ZNF385D: variants seen among roughly 807,000 people sequenced by gnomAD.
The protein encoded by ZNF385D is zinc finger protein 385D.
ZNF385D carries 15 observed loss-of-function variants against 35.8 expected under a neutral mutation model. That is an observed-to-expected ratio of 0.42 (90% CI 0.28 to 0.64). ZNF385D has a LOEUF of 0.64. ZNF385D is among the 30% of genes least tolerant of loss of function. ZNF385D has a pLI of 0.23. For missense variants in ZNF385D, 474 were observed against 494.6 expected, an observed-to-expected ratio of 0.96 and a Z score of 0.39; for synonymous variants, 212 against 186.8, an observed-to-expected ratio of 1.13 and a Z score of -1.10.
rs200803155 is a variant in ZNF385D, at chr3:21,724,477, CAAAAAAAAAAAAAAAAAAAAAAAAAAA to C, written c.22+26391_22+26417del. Reference sequence around the variant, plus strand: ...AATATTTACCAAGCAAATGGAAAGCCAAAAAAAAAAAAAAAAAAAAAAAAAAAAAAAAAAAAAAAAAGCAGGAGTTGC... The same window carrying C: ...AATATTTACCAAGCAAATGGAAAGCCAAAAAAAAAAAAAAGCAGGAGTTGC... On this transcript the variant is annotated intron_variant, in intron 1 of 7. Coordinates refer to ENST00000281523, the MANE Select transcript of ZNF385D (RefSeq NM_024697.3). Among the ~76,000 whole-genome samples the C allele has an allele frequency of 6.7e-3, 347 of 52,024 alleles. 5 individuals are homozygous for C. The highest frequency in any genetic ancestry group is 0.032 in the African/African-American group (202 of 6,322). 34.1% of individuals were successfully genotyped at this position (52,024 alleles called of 152,430 possible).
At chr3:21,698,802 C>T (rs919289045) in intron 1 of ZNF385D, among the ~76,000 whole-genome samples, 1 of 151,884 alleles carries the variant, frequency 6.6e-6, no homozygotes, top group Non-Finnish European at 1.5e-5. Flanking sequence ...TACCATCTCA[C>T]GCCAGTTAGA....
intron 3 of ZNF385D, among the ~76,000 whole-genome samples, chr3:21,779,656 C>T (rs2071418036): frequency 6.6e-6 from 1 of 151,880 alleles, no homozygotes; most frequent in South Asian, 2.1e-4. Context: ...TTACTGAGCG[C>T]CTTCTCAATG....
chr3:21,597,290 T>A (rs975249949), intron 2 of ZNF385D, among the ~76,000 whole-genome samples: 4 of 152,114 alleles, frequency 2.6e-5, no homozygotes, highest in African/African-American at 9.7e-5. Context: ...TTATACCACA[T>A]TGGTATTTAT....
chr3:22,359,153 C>T (rs1269992140), intron 2 of ZNF385D, among the ~76,000 whole-genome samples: 3 of 149,886 alleles, frequency 2.0e-5, no homozygotes, highest in East Asian at 1.9e-4. Context: ...TTACTGGGAA[C>T]AAAATGAAAA....
At chr3:21,730,732 G>C (rs1265179134) in intron 1 of ZNF385D, among the ~76,000 whole-genome samples, 2 of 152,234 alleles carry the variant, frequency 1.3e-5, no homozygotes, top group Non-Finnish European at 2.9e-5. Flanking sequence ...GCTTATAGTA[G>C]TGTAGCTATC....
chr3:21,703,152 G>A (rs1380125566), intron 1 of ZNF385D, among the ~76,000 whole-genome samples: 2 of 152,126 alleles, frequency 1.3e-5, no homozygotes, highest in Non-Finnish European at 2.9e-5. Flanking sequence ...GCTTTAATTG[G>A]ACTTATGGTT....
In ZNF385D at chr3:21,978,667, T is replaced by A. The variant is rs377073576; in HGVS notation, c.325+190150A>T. On this transcript the variant is annotated intron_variant, in intron 3 of 5. Transcript: ENST00000494108. Reference sequence around the variant, plus strand: ...ATTACTCTTTTATGAGTACAAGACATTTCTATTATGTCTATGTCTCTAGAT... The same window carrying A: ...ATTACTCTTTTATGAGTACAAGACAATTCTATTATGTCTATGTCTCTAGAT... Among the ~76,000 whole-genome samples, 41 of 152,324 alleles carry A rather than the reference T, an allele frequency of 2.7e-4. No homozygotes were observed. In the South Asian group the frequency reaches 8.5e-3, roughly 32 times the overall value.
At chr3:21,858,382 A>G (rs1464698035) in intron 3 of ZNF385D, among the ~76,000 whole-genome samples, 1 of 151,746 alleles carries the variant, frequency 6.6e-6, no homozygotes, top group Non-Finnish European at 1.5e-5. Context: ...TATGGTCTGA[A>G]TGTTTATGTC....
intron 3 of ZNF385D, among the ~76,000 whole-genome samples, chr3:21,761,628 T>C (rs921343314): frequency 2.0e-5 from 3 of 152,120 alleles, no homozygotes; most frequent in Non-Finnish European, 1.5e-5. Context: ...GCTCATTATA[T>C]ATCTATAGAG....
chr3:21,906,173 G>T (rs73129340), intron 3 of ZNF385D, among the ~76,000 whole-genome samples: 1,812 of 152,200 alleles, frequency 0.012, 29 homozygotes, highest in African/African-American at 0.041. Flanking sequence ...CAAATCATTT[G>T]TTCATCCTTC....
intron 3 of ZNF385D, among the ~76,000 whole-genome samples, chr3:22,082,781 C>G (rs551646281): frequency 1.3e-5 from 2 of 152,322 alleles, no homozygotes; most frequent in Admixed American, 1.3e-4. Context: ...TGTAGCCTAA[C>G]TGGGAGACAC....
intron 2 of ZNF385D, among the ~76,000 whole-genome samples, chr3:22,264,459 T>C (rs1417647061): frequency 6.6e-6 from 1 of 151,972 alleles, no homozygotes; most frequent in Non-Finnish European, 1.5e-5. Flanking sequence ...CTACAATGCA[T>C]GGGTCAGAGC....
Position 22,053,155 on chromosome 3 carries a change from C to T in ZNF385D, c.325+115662G>A, listed in dbSNP as rs1446309308. 2.3e-5 allele frequency among the ~76,000 whole-genome samples: 2 copies of T among 86,818 alleles called. 1 individual carries two copies. Among genetic ancestry groups the T allele is most frequent in the Non-Finnish European group, 4.7e-5 (2 of 42,402 alleles). The allele number at this position is 86,818 out of a possible 152,430, so 57.0% of individuals were successfully genotyped here. A position where few individuals can be genotyped will look rare whatever the true frequency, so the allele number is the denominator to read the frequency against. Reference sequence around the variant, plus strand: ...GCTGTGCTAGCAATCAGCGAGATTCCGTGGGCGTAGGACCCTCCGAGCCAG... The same window carrying T: ...GCTGTGCTAGCAATCAGCGAGATTCTGTGGGCGTAGGACCCTCCGAGCCAG... On this transcript the variant is annotated intron_variant, in intron 3 of 5. Coordinates refer to the ZNF385D transcript ENST00000494108.
In ZNF385D at chr3:21,994,079, C is replaced by G. The variant is rs1458142089; in HGVS notation, c.325+174738G>C. Reference sequence around the variant, plus strand: ...AACCTACACAAAGTCCCTTCACAAACTTTCTTACTGAGATCCTTCTAAATT... The same window carrying G: ...AACCTACACAAAGTCCCTTCACAAAGTTTCTTACTGAGATCCTTCTAAATT... On this transcript the variant is annotated intron_variant, in intron 3 of 5. Coordinates refer to the ZNF385D transcript ENST00000494108. Among the ~76,000 whole-genome samples, 4 of 152,198 alleles carry G rather than the reference C, an allele frequency of 2.6e-5. No homozygotes were observed. In the East Asian group the frequency reaches 7.7e-4, roughly 29 times the overall value.
intron 2 of ZNF385D, among the ~76,000 whole-genome samples, chr3:21,603,247 G>C (rs1209370495): frequency 6.6e-6 from 1 of 152,204 alleles, no homozygotes; most frequent in East Asian, 1.9e-4. Flanking sequence ...TTGCTAAGAA[G>C]GTGAGGCAAC....
chr3:22,176,964 A>G lies in ZNF385D; in HGVS notation c.107-7929T>C, dbSNP rs372774890. Among the ~76,000 whole-genome samples the G allele has an allele frequency of 3.3e-5, 5 of 152,326 alleles. No homozygotes were observed. In the South Asian group the frequency reaches 6.2e-4, roughly 19 times the overall value. ...TGTATTCCTCAAAGTTTCAAAGACC[A>G]ATGAAAAATTATATTATATTACTAT... On this transcript the variant is annotated intron_variant, in intron 2 of 5. Coordinates refer to the ZNF385D transcript ENST00000494108.
intron 1 of ZNF385D, among the ~76,000 whole-genome samples, chr3:21,746,314 A>G (rs2069768358): frequency 6.6e-6 from 1 of 152,220 alleles, no homozygotes; most frequent in Non-Finnish European, 1.5e-5. Flanking sequence ...GGTCCTTTTA[A>G]AAAACTAGCT....
chr3:21,611,825 C>T (rs529585599), intron 2 of ZNF385D, among the ~76,000 whole-genome samples: 35 of 152,142 alleles, frequency 2.3e-4, no homozygotes, highest in African/African-American at 8.4e-4. Flanking sequence ...GGCTTTACCA[C>T]CACCAAGACC....
intron 1 of ZNF385D, among the ~76,000 whole-genome samples, chr3:21,700,270 G>A (rs141449440): frequency 1.6e-4 from 25 of 152,134 alleles, no homozygotes; most frequent in African/African-American, 5.5e-4. Flanking sequence ...AGAAGGAAGT[G>A]GGGGAGTAAG....
Sources: gnomAD v4.1 joint callset for allele counts (sites outside exome capture counted in the v4.1 genomes callset) on GRCh38, gnomAD v4.1.1 for gene constraint, MANE v1.5 for transcripts, NCBI Gene and HGNC (gene_info 2026-07-23, HGNC 2026-07-21) for gene names.